Variants in RAVER2 observed in about 807,000 individuals in gnomAD.
RAVER2 encodes the protein ribonucleoprotein PTB-binding 2.
Under a neutral mutation model 78.1 loss-of-function variants are expected in RAVER2, and 46 were observed. The ratio of observed to expected loss-of-function variants is 0.59; its 90% CI spans 0.46 to 0.75. The LOEUF is 0.75. Among genes scored for constraint, RAVER2 ranks in the 30% least tolerant of loss-of-function variants. RAVER2 has a pLI of 0.00. For missense variants in RAVER2, 793 were observed against 837.5 expected (o/e 0.95, Z 0.66); for synonymous variants, 311 against 313.3 (o/e 0.99, Z 0.08).
chr1:64,824,603 G>A (rs1267288559), intron 11 of RAVER2, among the ~76,000 whole-genome samples: 2 of 152,094 alleles, frequency 1.3e-5, no homozygotes, highest in South Asian at 2.1e-4. Context: ...AGTGATTTTG[G>A]TTAAAAACTG....
At chr1:64,827,514 C>G (rs1654030795) in intron 11 of RAVER2, among the ~76,000 whole-genome samples, 1 of 152,108 alleles carries the variant, frequency 6.6e-6, no homozygotes, top group Admixed American at 6.5e-5. Context: ...TAAAAAAGAC[C>G]CTGCTAAAGA....
intron 9 of RAVER2, among the ~76,000 whole-genome samples, chr1:64,810,148 G>A (rs1004409582): frequency 1.3e-5 from 2 of 152,170 alleles, no homozygotes; most frequent in Non-Finnish European, 2.9e-5. Flanking sequence ...TGTTGGAACT[G>A]TCATCCTTTT....
chr1:64,745,216 G>A lies in RAVER2; in HGVS notation c.44G>A (p.Gly15Asp). ...GACGGCGGCGGCGAGGGGGGCGCGG[G>A]CCTGGGCAGCGCGGCGGGGCTGGGG... Residue 15 changes from glycine to aspartate, a missense_variant, in exon 1 of 12, where the codon GGC becomes GAC. Gly to Asp is a moderately conservative substitution (Grantham distance 94). Coordinates refer to ENST00000294428, the Ensembl canonical transcript of RAVER2. The surrounding 1 kb of genome is among the most constrained non-coding windows in gnomAD (Gnocchi z 4.3). 1 of 1,074,616 alleles carries A rather than the reference G, an allele frequency of 9.3e-7. No individual in the cohort carries two copies. The highest frequency in any genetic ancestry group is 4.4e-5 in the South Asian group (1 of 22,958). 66.6% of individuals were successfully genotyped at this position (1,074,616 alleles called of 1,614,324 possible). A position where few individuals can be genotyped will look rare whatever the true frequency, so the allele number is the denominator to read the frequency against.
At position 64,805,225 on chromosome 1, in the gene RAVER2, TA is replaced by T. The variant is rs2100874998; in HGVS notation, c.1411+124del. ...CAAATTTGAGTTTTATTTAGTCATT[TA>T]AAATTTTGAGAACCCTCTTGGCTTT... On this transcript the variant is annotated intron_variant, in intron 8 of 11. Transcript: ENST00000294428. 3 of 914,640 alleles carry T rather than the reference TA, an allele frequency of 3.3e-6. No homozygotes were observed. In the South Asian group the frequency reaches 5.2e-5, roughly 16 times the overall value. 56.7% of individuals were successfully genotyped at this position (914,640 alleles called of 1,614,324 possible). A position where few individuals can be genotyped will look rare whatever the true frequency, so the allele number is the denominator to read the frequency against.
intron 6 of RAVER2, among the ~76,000 whole-genome samples, chr1:64,804,496 G>C (rs921698629): frequency 6.6e-6 from 1 of 152,082 alleles, no homozygotes; most frequent in Admixed American, 6.5e-5. Flanking sequence ...AACCAAAAAG[G>C]GTTGAGAGGA....
intron 5 of RAVER2, among the ~76,000 whole-genome samples, chr1:64,800,292 TA>T (rs1303736662): frequency 5.3e-5 from 8 of 152,188 alleles, no homozygotes; most frequent in Non-Finnish European, 1.2e-4. Flanking sequence ...TTTAGTTTGA[TA>T]AAATCCCATT....
chr1:64,783,389 A>T (rs1022499717), intron 4 of RAVER2, among the ~76,000 whole-genome samples: 1 of 152,138 alleles, frequency 6.6e-6, no homozygotes, highest in Non-Finnish European at 1.5e-5. Context: ...CCTCTCTAGC[A>T]TCTGTTGTTT....
chr1:64,749,598 A>T (rs1483778999), intron 1 of RAVER2, among the ~76,000 whole-genome samples: 4 of 152,174 alleles, frequency 2.6e-5, no homozygotes, highest in East Asian at 1.9e-4. Flanking sequence ...ATTTATAGTT[A>T]TATCTTTGTT....
intron 5 of RAVER2, among the ~76,000 whole-genome samples, chr1:64,794,599 A>G (rs1653043857): frequency 6.6e-6 from 1 of 151,928 alleles, no homozygotes; most frequent in African/African-American, 2.4e-5. Flanking sequence ...CTTTTGACTA[A>G]TGATTTTGAG....
At chr1:64,769,214 G>A (rs1461570244) in intron 2 of RAVER2, among the ~76,000 whole-genome samples, 4 of 151,906 alleles carry the variant, frequency 2.6e-5, no homozygotes, top group Non-Finnish European at 2.9e-5. Context: ...TAATTACTAT[G>A]TACACATCCA....
chr1:64,745,152 A>G lies in RAVER2; in HGVS notation c.-21A>G. 1 of 1,017,202 alleles carries G rather than the reference A, an allele frequency of 9.8e-7. No individual in the cohort carries two copies. The highest frequency in any genetic ancestry group is 1.2e-6 in the Non-Finnish European group (1 of 852,388). 63.0% of individuals were successfully genotyped at this position (1,017,202 alleles called of 1,614,324 possible). Reference sequence around the variant, plus strand: ...CCCCTGGAGCCTCCGAGGAGTCCGCAGCCGCTGGGCGCCCGGGAAGATGGC... The same window carrying G: ...CCCCTGGAGCCTCCGAGGAGTCCGCGGCCGCTGGGCGCCCGGGAAGATGGC... On this transcript the variant is annotated 5_prime_UTR_variant, in exon 1 of 12. Transcript: ENST00000294428. This position sits in a 1 kb window ranked among gnomAD's most constrained non-coding sequence, Gnocchi z 4.3.
intron 11 of RAVER2, among the ~76,000 whole-genome samples, chr1:64,829,234 T>G (rs1654068370): frequency 6.6e-6 from 1 of 152,128 alleles, no homozygotes; most frequent in Non-Finnish European, 1.5e-5. Context: ...AATAGATAAC[T>G]ACATGGCAAG....
At chr1:64,797,256 C>T (rs530350577) in intron 5 of RAVER2, among the ~76,000 whole-genome samples, 1 of 152,248 alleles carries the variant, frequency 6.6e-6, no homozygotes, top group East Asian at 1.9e-4. Context: ...CTCCTATATC[C>T]TTACTGATTT....
intron 1 of RAVER2, among the ~76,000 whole-genome samples, chr1:64,753,529 T>G (rs1035803308): frequency 2.7e-5 from 4 of 147,922 alleles, no homozygotes; most frequent in Non-Finnish European, 6.0e-5. Flanking sequence ...AATTCTTTTT[T>G]TTTTTTTTTT....
chr1:64,807,082 C>A, intron 8 of RAVER2, 124 bp from the exon 9 acceptor site: 1 of 1,128,608 alleles, frequency 8.9e-7, no homozygotes, highest in Non-Finnish European at 1.2e-6. Flanking sequence ...TTACCTTTTG[C>A]TGTTATCTAA....
At chr1:64,832,073 T>TGTAA (rs747997213) in exon 12 of RAVER2, 23 of 152,614 alleles carry the variant, frequency 1.5e-4, no homozygotes, top group African/African-American at 4.6e-4. Context: ...TAGACAGACT[T>TGTAA]GTAAGTGGAA....
intron 5 of RAVER2, among the ~76,000 whole-genome samples, chr1:64,791,033 A>G (rs190902390): frequency 6.6e-6 from 1 of 152,330 alleles, no homozygotes; most frequent in Admixed American, 6.5e-5. Flanking sequence ...CAGGTTCAAT[A>G]GTTCAATAGA....
chr1:64,778,598 G>A (rs1210964558), intron 3 of RAVER2, among the ~76,000 whole-genome samples: 1 of 151,990 alleles, frequency 6.6e-6, no homozygotes, highest in East Asian at 1.9e-4. Context: ...TCTTAATGTG[G>A]TCACGGTAGG....
chr1:64,818,878 T>A, intron 11 of RAVER2, among the ~76,000 whole-genome samples: 1 of 152,152 alleles, frequency 6.6e-6, no homozygotes, highest in East Asian at 1.9e-4. Flanking sequence ...GGCTGGCCCC[T>A]AAACTGTGTT....
Sources: allele counts gnomAD v4.1 joint callset (sites outside exome capture counted in the v4.1 genomes callset), GRCh38; gene constraint gnomAD v4.1.1; non-coding constraint Gnocchi (gnomAD v3.1); transcripts MANE v1.5; gene names NCBI Gene and HGNC (gene_info 2026-07-23, HGNC 2026-07-21).